The following GRIA3 variants were observed in gnomAD, a reference collection of about 807,000 sequenced individuals.
GRIA3 encodes the protein glutamate ionotropic receptor AMPA type subunit 3.
In GRIA3, 3 loss-of-function variants were observed where a neutral mutation model predicts 63.0. The ratio of observed to expected loss-of-function variants is 0.05; its 90% CI spans 0.02 to 0.12. The LOEUF is 0.12. Among genes scored for constraint, GRIA3 ranks in the 10% least tolerant of loss-of-function variants. The pLI, the probability that GRIA3 is intolerant of heterozygous loss-of-function variation, is 1.00. For missense variants in GRIA3, 347 were observed against 700.9 expected, an observed-to-expected ratio of 0.50 and a Z score of 5.70; for synonymous variants, 274 against 257.9, an observed-to-expected ratio of 1.06 and a Z score of -0.60.
intron 13 of GRIA3, among the ~76,000 whole-genome samples, chrX:123,472,717 T>C (rs927052880): frequency 9.0e-6 from 1 of 111,610 alleles, no homozygotes; most frequent in Non-Finnish European, 1.9e-5. Context: ...TGCTCTGTAT[T>C]TGAGAGGTTG....
chrX:123,249,291 G>A (rs777818267), intron 2 of GRIA3, among the ~76,000 whole-genome samples: 1 of 112,205 alleles, frequency 8.9e-6, no homozygotes, highest in Non-Finnish European at 1.9e-5. Context: ...TTGGAGAAAG[G>A]ATTTCACCAC....
chrX:123,253,349 T>C lies in GRIA3; in HGVS notation c.315T>C (p.Tyr105=). ...SRGVYAIFGF[Y]DQMSMNTLTS... ...GGGTGTATGCCATCTTTGGATTCTA[T>C]GACCAGATGTCAATGAACACCCTGA... is the stretch of plus-strand genomic sequence containing the variant. Residue 105 remains tyrosine (Y), a synonymous_variant, in exon 3 of 16, where the codon TAT becomes TAC. Transcript: ENST00000620443. The C allele has an allele frequency of 8.3e-7, 1 of 1,208,425 alleles. No homozygotes were observed. Among genetic ancestry groups the C allele is most frequent in the Non-Finnish European group, 1.1e-6 (1 of 892,217 alleles).
intron 12 of GRIA3, among the ~76,000 whole-genome samples, chrX:123,454,732 C>T (rs939356010): frequency 1.8e-5 from 2 of 111,863 alleles, no homozygotes; most frequent in Non-Finnish European, 3.8e-5. Flanking sequence ...GTTTCCCTTC[C>T]TCCATTCTCC....
chrX:123,332,805 A>G (rs1002483584), intron 4 of GRIA3, among the ~76,000 whole-genome samples: 1 of 111,899 alleles, frequency 8.9e-6, no homozygotes, highest in Non-Finnish European at 1.9e-5. Flanking sequence ...AACTACTGCC[A>G]CAACTTACCC....
intron 2 of GRIA3, among the ~76,000 whole-genome samples, chrX:123,208,742 T>C (rs1485689121): frequency 8.9e-6 from 1 of 112,005 alleles, no homozygotes; most frequent in Admixed American, 9.4e-5. Context: ...ACAGCTAGTC[T>C]AAGTAGTGGG....
chrX:123,455,877 C>T (rs753551430), intron 12 of GRIA3, among the ~76,000 whole-genome samples: 1 of 112,342 alleles, frequency 8.9e-6, no homozygotes, highest in East Asian at 2.8e-4. Context: ...AGCCTTGTTC[C>T]TCATTAGCTG....
chrX:123,221,609 C>T (rs1160395120), intron 2 of GRIA3, among the ~76,000 whole-genome samples: 1 of 111,853 alleles, frequency 8.9e-6, no homozygotes, highest in African/African-American at 3.3e-5. Flanking sequence ...CGAAGCTGAA[C>T]TCTGTTCCTT....
intron 13 of GRIA3, among the ~76,000 whole-genome samples, chrX:123,467,232 T>G (rs1460710218): frequency 8.9e-6 from 1 of 112,478 alleles, no homozygotes; most frequent in Non-Finnish European, 1.9e-5. Flanking sequence ...CTCTTTCTCC[T>G]CTATCTTCTC....
At chrX:123,434,155 T>G (rs112215424) in intron 12 of GRIA3, among the ~76,000 whole-genome samples, 1 of 111,923 alleles carries the variant, frequency 8.9e-6, no homozygotes, top group Non-Finnish European at 1.9e-5. Flanking sequence ...CATTTTGACA[T>G]AATCCAGAAA....
chrX:123,302,925 A>C (rs2044732708), intron 3 of GRIA3, among the ~76,000 whole-genome samples: 1 of 111,273 alleles, frequency 9.0e-6, no homozygotes, highest in Non-Finnish European at 1.9e-5. Context: ...TTACACACTC[A>C]CAATAGAATT....
chrX:123,353,553 T>C (rs2045112826), intron 4 of GRIA3, among the ~76,000 whole-genome samples: 1 of 111,722 alleles, frequency 9.0e-6, no homozygotes, highest in Non-Finnish European at 1.9e-5. Flanking sequence ...ATCTTTCATG[T>C]ATAGTTCTGG....
At chrX:123,483,854 C>G (rs6655771) in intron 15 of GRIA3, among the ~76,000 whole-genome samples, 6,364 of 110,592 alleles carry the variant, frequency 0.058, 450 homozygotes, top group African/African-American at 0.2. Context: ...ATGGCGTGAA[C>G]CTGGGAGGTG....
At chrX:123,467,616 G>C (rs769293350) in intron 13 of GRIA3, among the ~76,000 whole-genome samples, 22 of 112,079 alleles carry the variant, frequency 2.0e-4, no homozygotes, top group African/African-American at 7.1e-4. Context: ...TGGATTGGAT[G>C]CATTGCTCTC....
chrX:123,278,994 G>A (rs753412931), intron 3 of GRIA3, among the ~76,000 whole-genome samples: 2 of 111,600 alleles, frequency 1.8e-5, no homozygotes, highest in Admixed American at 1.9e-4. Context: ...ATTGCATTGA[G>A]TCTGTAGATC....
chrX:123,403,029 T>C lies in GRIA3; in HGVS notation c.1116T>C (p.Phe372=). The C allele has an allele frequency of 8.5e-7, 1 of 1,173,253 alleles. No individual in the cohort carries two copies. Among genetic ancestry groups the C allele is most frequent in the South Asian group, 1.8e-5 (1 of 56,127 alleles). Residue 372 remains phenylalanine, a synonymous_variant, in exon 8 of 16, where the codon TTT becomes TTC. Transcript: ENST00000620443. ...AAGGAATGACTGGAAATATTCAATT[T>C]GACACTTATGGACGTAGGACAAATT... The part of the protein sequence containing the change: ...QVQGMTGNIQ[F]DTYGRRTNYT...
chrX:123,480,191 G>A lies in GRIA3; in HGVS notation c.2439+14G>A, dbSNP rs1159879705. 6.9e-6 allele frequency: 7 copies of A among 1,019,832 alleles called. No individual in the cohort carries two copies. Among genetic ancestry groups the A allele is most frequent in the Non-Finnish European group, 9.7e-6 (7 of 722,696 alleles). The allele number at this position is 1,019,832 out of a possible 1,213,427, so 84.0% of individuals were successfully genotyped here. The stretch of plus-strand genomic sequence containing the variant: ...TCCGGGAGTAAGGTCAGTCGCTGAA[G>A]GTCTTTTTGTACTGATTAGCAATCA... On this transcript the variant is annotated intron_variant, in intron 14 of 15. Coordinates refer to ENST00000620443, the MANE Select transcript of GRIA3 (RefSeq NM_007325.5).
chrX:123,476,463 G>C (rs2045887677), intron 13 of GRIA3, among the ~76,000 whole-genome samples: 1 of 111,526 alleles, frequency 9.0e-6, no homozygotes, highest in Admixed American at 9.5e-5. Flanking sequence ...AAACTATGTG[G>C]ACAAAAGCAG....
At chrX:123,463,801 GAA>G (rs1267075842) in intron 12 of GRIA3, among the ~76,000 whole-genome samples, 1 of 106,110 alleles carries the variant, frequency 9.4e-6, no homozygotes, top group African/African-American at 3.6e-5. Context: ...AAAGAAAGAA[GAA>G]AGAGAGAGAA....
chrX:123,338,744 G>A (rs750937681), intron 4 of GRIA3, among the ~76,000 whole-genome samples: 4 of 111,314 alleles, frequency 3.6e-5, no homozygotes, highest in Non-Finnish European at 7.5e-5. Context: ...TAGAGACGGG[G>A]TTTTACCATA....
Sources: allele counts gnomAD v4.1 joint callset (sites outside exome capture counted in the v4.1 genomes callset), GRCh38; gene constraint gnomAD v4.1.1; transcripts MANE v1.5; gene names NCBI Gene and HGNC (gene_info 2026-07-23, HGNC 2026-07-21).